TMEM123: variants seen among roughly 807,000 people sequenced by gnomAD.
TMEM123 encodes the protein porimin.
A neutral mutation model predicts 19.7 loss-of-function variants in TMEM123; 16 were observed. That is an observed-to-expected ratio of 0.81 (90% CI 0.55 to 1.23). The LOEUF (loss-of-function observed/expected upper bound fraction) is 1.23. Ranked by LOEUF, TMEM123 falls within the 50% of genes most tolerant of loss-of-function variation. The pLI is 0.00. For synonymous variants in TMEM123, 118 were observed against 99.4 expected, an observed-to-expected ratio of 1.19 and a Z score of -1.12; for missense variants, 313 against 257.8, an observed-to-expected ratio of 1.21 and a Z score of -1.47.
Position 102,447,251 on chromosome 11 carries a change from T to G in TMEM123, c.157+1561A>C, listed in dbSNP as rs184766340. On this transcript the variant is annotated intron_variant, in intron 2 of 4. Coordinates refer to ENST00000398136, the MANE Select transcript of TMEM123 (RefSeq NM_052932.3). ...CTGCCCTCAAAGTATTCAGTTGATT[T>G]TTAATAATCATTCACAGTGAAAAGC... Among the ~76,000 whole-genome samples the G allele has an allele frequency of 5.3e-5, 8 of 152,318 alleles. No homozygotes were observed. The East Asian group carries it at 1.5e-3, about 29-fold the overall frequency.
chr11:102,431,263 ACTTAT>A (rs1247928439), intron 2 of TMEM123, among the ~76,000 whole-genome samples: 1 of 152,230 alleles, frequency 6.6e-6, no homozygotes, highest in African/African-American at 2.4e-5. Flanking sequence ...TACCTCACAT[ACTTAT>A]CTTTGTAAAC....
chr11:102,436,756 T>C (rs939224100), intron 2 of TMEM123, among the ~76,000 whole-genome samples: 2 of 152,146 alleles, frequency 1.3e-5, no homozygotes, highest in African/African-American at 4.8e-5. Context: ...AAGAAGGAAG[T>C]CATGGGAATC....
At chr11:102,447,145 T>A (rs1591569016) in intron 2 of TMEM123, among the ~76,000 whole-genome samples, 1 of 152,300 alleles carries the variant, frequency 6.6e-6, no homozygotes, top group African/African-American at 2.4e-5. Flanking sequence ...CTAGAAAAAT[T>A]TGAGGCAATG....
intron 2 of TMEM123, chr11:102,448,088 T>C (rs896361434): frequency 1.8e-5 from 7 of 378,500 alleles, no homozygotes; most frequent in Non-Finnish European, 2.1e-5. Context: ...TGCTAGCTCA[T>C]TAGAGTCCAT....
intron 2 of TMEM123, among the ~76,000 whole-genome samples, chr11:102,442,553 A>T (rs1276083): frequency 1.3e-5 from 2 of 151,994 alleles, no homozygotes; most frequent in Non-Finnish European, 2.9e-5. Flanking sequence ...TCTCAAAATA[A>T]TAAGAGCTAT....
At chr11:102,446,889 G>A (rs566620970) in intron 2 of TMEM123, among the ~76,000 whole-genome samples, 4 of 152,168 alleles carry the variant, frequency 2.6e-5, no homozygotes, top group South Asian at 4.1e-4. Flanking sequence ...GAAATATGGC[G>A]CCACAGAAAC....
At chr11:102,440,309 G>C (rs1252942164) in intron 2 of TMEM123, among the ~76,000 whole-genome samples, 2 of 152,168 alleles carry the variant, frequency 1.3e-5, no homozygotes, top group African/African-American at 2.4e-5. Context: ...GAAAGGTTGG[G>C]TTATCCACAA....
rs750639972 is a variant in TMEM123, at chr11:102,401,660, C to G, written c.481G>C (p.Gly161Arg). 13 of 1,605,002 alleles carry G rather than the reference C, an allele frequency of 8.1e-6. No individual in the cohort carries two copies. In the South Asian group the frequency reaches 1.2e-4, roughly 15 times the overall value. ...TTTMHSEAKK[G>R]SKFDTGSFVG... ...AAGCTCCCAGTATCAAATTTTGATCCTTTCTTTGCTTCAGAATGCATAGTT... is the reference window on the plus strand; with the variant it reads ...AAGCTCCCAGTATCAAATTTTGATCGTTTCTTTGCTTCAGAATGCATAGTT... Residue 161 changes from glycine to arginine, a missense_variant, in exon 4 of 5, where the codon GGA (glycine) becomes CGA (arginine). By Grantham distance (125) the Gly-to-Arg change is moderately radical. Transcript: ENST00000398136.
At chr11:102,410,423 T>C (rs1380548450) in intron 2 of TMEM123, among the ~76,000 whole-genome samples, 3 of 151,760 alleles carry the variant, frequency 2.0e-5, no homozygotes, top group East Asian at 3.9e-4. Flanking sequence ...CTGTAGACAG[T>C]GTCCAGGCTT....
chr11:102,442,994 G>A (rs1051668376), intron 2 of TMEM123, among the ~76,000 whole-genome samples: 1 of 152,218 alleles, frequency 6.6e-6, no homozygotes, highest in African/African-American at 2.4e-5. Context: ...TACAAGGCAT[G>A]TGAAGGAACT....
intron 2 of TMEM123, among the ~76,000 whole-genome samples, chr11:102,430,840 A>G (rs1209709185): frequency 6.6e-6 from 1 of 152,240 alleles, no homozygotes; most frequent in Admixed American, 6.5e-5. Context: ...TAGCTTGCCC[A>G]AATTCAATTA....
intron 2 of TMEM123, among the ~76,000 whole-genome samples, chr11:102,416,143 G>C (rs137894501): frequency 6.6e-6 from 1 of 152,116 alleles, no homozygotes; most frequent in Non-Finnish European, 1.5e-5. Flanking sequence ...TCAAACTCCC[G>C]ACCTCAGGTG....
At chr11:102,398,969 A>G in intron 4 of TMEM123, 78 bp from the exon 5 acceptor site, 1 of 1,328,724 alleles carries the variant, frequency 7.5e-7, no homozygotes, top group Non-Finnish European at 1.1e-6. Context: ...TTGTTAGTAA[A>G]GTAGGATTAG....
At position 102,410,127 on chromosome 11, in the gene TMEM123, T is replaced by C. The variant is rs201756604; in HGVS notation, c.158-7921A>G. Among the ~76,000 whole-genome samples, 327 of 152,328 alleles carry C rather than the reference T, an allele frequency of 2.1e-3. 4 individuals are homozygous for C. The highest frequency in any genetic ancestry group is 7.1e-3 in the East Asian group (37 of 5,194). On this transcript the variant is annotated intron_variant, in intron 2 of 4. Coordinates refer to ENST00000398136, the MANE Select transcript of TMEM123 (RefSeq NM_052932.3). Reference sequence around the variant, plus strand: ...TTACTACCACATTTTAGTTAAACTATCATTCATTCCACTAATATCTATGAA... The same window carrying C: ...TTACTACCACATTTTAGTTAAACTACCATTCATTCCACTAATATCTATGAA...
intron 2 of TMEM123, among the ~76,000 whole-genome samples, chr11:102,432,081 A>G (rs1235342997): frequency 6.6e-6 from 1 of 152,236 alleles, no homozygotes; most frequent in Non-Finnish European, 1.5e-5. Flanking sequence ...AGATTAATCT[A>G]GTACATTGGT....
Position 102,396,570 on chromosome 11 carries a change from GTTTTGATCTTCAGATA to G in TMEM123, c.*2281_*2296del. ...TAGTACTTATACATCTGGATTGTTT[GTTTTGATCTTCAGATA>G]AATACATTCTCAAGGAATGCAAGCA... On this transcript the variant is annotated 3_prime_UTR_variant, in exon 5 of 5. Coordinates refer to ENST00000398136, the MANE Select transcript of TMEM123 (RefSeq NM_052932.3). 1.3e-5 allele frequency: 2 copies of G among 152,168 alleles called. No individual in the cohort carries two copies. The highest frequency in any genetic ancestry group is 4.1e-4 in the South Asian group (2 of 4,828). 9.4% of individuals were successfully genotyped at this position (152,168 alleles called of 1,614,324 possible).
rs1360035078 is a variant in TMEM123 at position 102,398,836 on chromosome 11, T to G, written c.*31A>C. On this transcript the variant is annotated 3_prime_UTR_variant, in exon 5 of 5. Transcript: ENST00000398136. The stretch of plus-strand genomic sequence containing the variant: ...AAATTAATTGATAGGGCAGCATCAA[T>G]CTGTATTCCATCCTTGGTCCATGGA... 1 of 1,607,456 alleles carries G rather than the reference T, an allele frequency of 6.2e-7. No individual in the cohort carries two copies. The highest frequency in any genetic ancestry group is 8.5e-7 in the Non-Finnish European group (1 of 1,177,400).
chr11:102,436,429 C>G (rs1371142402), intron 2 of TMEM123, among the ~76,000 whole-genome samples: 1 of 151,986 alleles, frequency 6.6e-6, no homozygotes, highest in African/African-American at 2.4e-5. Flanking sequence ...TCCCAAAGTG[C>G]TGGGATTACA....
At position 102,444,522 on chromosome 11, in the gene TMEM123, A is replaced by G. The variant is rs181455101; in HGVS notation, c.157+4290T>C. 2.7e-3 allele frequency among the ~76,000 whole-genome samples: 401 copies of G among 150,402 alleles called. 3 individuals are homozygous for G. Among genetic ancestry groups the G allele is most frequent in the African/African-American group, 9.4e-3 (384 of 40,824 alleles). On this transcript the variant is annotated intron_variant, in intron 2 of 4. Coordinates refer to ENST00000398136, the MANE Select transcript of TMEM123 (RefSeq NM_052932.3). ...AACACTTGAACACAGGGTGGGGAAC[A>G]TCACACACCAGGGCCTGTCGTGGGT...
Sources: allele counts gnomAD v4.1 joint callset (sites outside exome capture counted in the v4.1 genomes callset), GRCh38; gene constraint gnomAD v4.1.1; transcripts MANE v1.5; gene names NCBI Gene and HGNC (gene_info 2026-07-23, HGNC 2026-07-21).